TMED9: variants seen among roughly 807,000 people sequenced by gnomAD.
TMED9 encodes the protein transmembrane p24 trafficking protein 9, also known as transmembrane emp24 domain-containing protein 9.
TMED9 carries 22 observed loss-of-function variants against 30.6 expected under a neutral mutation model. That is an observed-to-expected ratio of 0.72 (90% CI 0.51 to 1.03). The LOEUF (loss-of-function observed/expected upper bound fraction) is 1.03, where lower values mean the gene tolerates loss of function less well. Ranked by LOEUF, TMED9 falls within the 50% of genes least tolerant of loss-of-function variation. The pLI, the probability that TMED9 is intolerant of heterozygous loss-of-function variation, is 0.00. For synonymous variants in TMED9, 146 were observed against 122.8 expected, an observed-to-expected ratio of 1.19 and a Z score of -1.25; for missense variants, 251 against 302.1, an observed-to-expected ratio of 0.83 and a Z score of 1.25.
rs1767644307 is a variant in TMED9 at position 177,594,241 on chromosome 5, G to A, written c.514G>A (p.Val172Met). 1.9e-6 allele frequency: 3 copies of A among 1,614,214 alleles called. No individual in the cohort carries two copies. Among genetic ancestry groups the A allele is most frequent in the East Asian group, 2.2e-5 (1 of 44,884 alleles). Residue 172 changes from valine to methionine, a missense_variant, in exon 4 of 5, where the codon GTG becomes ATG. This residue lies in a region of TMED9 where 153 missense variants were observed against 239.6 expected (regional missense o/e 0.64). Coordinates refer to ENST00000332598, the MANE Select transcript of TMED9 (RefSeq NM_017510.6). ...GTTGCAGCTACGAGTGCGACAGCTG[G>A]TGGAACAAGTGGAGCAGATCCAGAA... Reference protein sequence around the residue: ...SELQLRVRQLVEQVEQIQKEQ... With the variant: ...SELQLRVRQLMEQVEQIQKEQ...
In TMED9 at chr5:177,592,361, C is replaced by T. The variant is rs768039183; in HGVS notation, c.147C>T (p.Cys49=). The T allele has an allele frequency of 3.7e-6, 6 of 1,604,608 alleles. No homozygotes were observed. The highest frequency in any genetic ancestry group is 3.4e-6 in the Non-Finnish European group (4 of 1,175,710). The stretch of plus-strand genomic sequence containing the variant: ...ACATCGGAGAGACGGAGAAGAAGTG[C>T]TTTATTGAGGAGATCCCGGACGAGA... ...YFHIGETEKK[C]FIEEIPDETM... The change falls in exon 1 of 5, where the codon TGC becomes TGT. Residue 49 remains cysteine, a synonymous_variant. Transcript: ENST00000332598.
intron 3 of TMED9, 124 bp from the exon 4 acceptor site, chr5:177,594,015 G>A (rs1011945486): frequency 1.2e-5 from 16 of 1,374,776 alleles, no homozygotes; most frequent in Non-Finnish European, 1.5e-5. Context: ...CTAAGACACT[G>A]AAGAGGGCCC....
Position 177,595,977 on chromosome 5 carries a change from C to T in TMED9, c.*561C>T, listed in dbSNP as rs1164411494. The T allele has an allele frequency of 6.6e-6, 1 of 152,632 alleles. No homozygotes were observed. The highest frequency in any genetic ancestry group is 1.5e-5 in the Non-Finnish European group (1 of 68,124). 9.5% of individuals were successfully genotyped at this position (152,632 alleles called of 1,614,324 possible). A position where few individuals can be genotyped will look rare whatever the true frequency, so the allele number is the denominator to read the frequency against. On this transcript the variant is annotated 3_prime_UTR_variant, in exon 5 of 5. Transcript: ENST00000332598. ...CTTCACATGGTTGTCCATTCTGGGG[C>T]TTAAAGAACTGGGACCAGACCAAGT... is the stretch of plus-strand genomic sequence containing the variant.
Position 177,592,307 on chromosome 5 carries a change from G to C in TMED9, c.93G>C (p.Leu31=), listed in dbSNP as rs1358296048. ...GGACCCTCCTGCTGGTGCTGTGGCTGGCGACGCGCGGAAGCGCGCTCTACT... is the reference window on the plus strand; with the variant it reads ...GGACCCTCCTGCTGGTGCTGTGGCTCGCGACGCGCGGAAGCGCGCTCTACT... ...VMRTLLLVLW[L]ATRGSALYFH... Residue 31 remains leucine (L), a synonymous_variant, in exon 1 of 5, where the codon CTG becomes CTC. Transcript: ENST00000332598. 3 of 1,607,968 alleles carry C rather than the reference G, an allele frequency of 1.9e-6. No individual in the cohort carries two copies. Among genetic ancestry groups the C allele is most frequent in the Non-Finnish European group, 2.5e-6 (3 of 1,177,438 alleles).
chr5:177,593,348 C>A (rs1767627202), intron 2 of TMED9: 4 of 262,134 alleles, frequency 1.5e-5, no homozygotes, highest in Non-Finnish European at 2.9e-5. Context: ...AAAAAAGAAC[C>A]CCCCAAAAAA....
chr5:177,592,268 G>C lies in TMED9; in HGVS notation c.54G>C (p.Leu18=), dbSNP rs1157237152. The stretch of plus-strand genomic sequence containing the variant: ...TCCGGCCCCGGCCCGGAACCGGGCT[G>C]GGTAGAGTGATGCGGACCCTCCTGC... The part of the protein sequence containing the change: ...LLVRPRPGTG[L]GRVMRTLLLV... Residue 18 remains leucine, a synonymous_variant, in exon 1 of 5, where the codon CTG becomes CTC. Transcript: ENST00000332598. The C allele has an allele frequency of 6.2e-7, 1 of 1,611,892 alleles. No homozygotes were observed. The highest frequency in any genetic ancestry group is 1.3e-5 in the African/African-American group (1 of 75,034).
rs1454367872 is a variant in TMED9 at position 177,592,321 on chromosome 5, G to A, written c.107G>A (p.Ser36Asn). 2 of 1,606,208 alleles carry A rather than the reference G, an allele frequency of 1.2e-6. No individual in the cohort carries two copies. The highest frequency in any genetic ancestry group is 1.7e-6 in the Non-Finnish European group (2 of 1,176,598). The change falls in exon 1 of 5, where the codon AGC becomes AAC. Residue 36 changes from serine (S) to asparagine (N), a missense_variant. Around this residue, in one of 2 missense-constraint regions of TMED9, gnomAD observed 98 missense variants for 62.5 expected, o/e 1.57. Coordinates refer to ENST00000332598, the MANE Select transcript of TMED9 (RefSeq NM_017510.6). ...GTGCTGTGGCTGGCGACGCGCGGAAGCGCGCTCTACTTTCACATCGGAGAG... is the reference window on the plus strand; with the variant it reads ...GTGCTGTGGCTGGCGACGCGCGGAAACGCGCTCTACTTTCACATCGGAGAG... Reference protein sequence around the residue: ...LLVLWLATRGSALYFHIGETE... With the variant: ...LLVLWLATRGNALYFHIGETE...
chr5:177,595,222 C>A, intron 4 of TMED9, 45 bp from the exon 5 acceptor site: 1 of 1,485,588 alleles, frequency 6.7e-7, no homozygotes. Flanking sequence ...ATCAGCAGTT[C>A]TAGCAGCCCC....
Position 177,596,749 on chromosome 5 carries a change from G to A in TMED9, c.*1333G>A, listed in dbSNP as rs1370185489. On this transcript the variant is annotated 3_prime_UTR_variant, in exon 5 of 5. Transcript: ENST00000332598. Reference sequence around the variant, plus strand: ...TCAAGAGGGGCTGCAGGCACCCACAGGCACAAGCTGAAGGCAGCAGCTTGG... The same window carrying A: ...TCAAGAGGGGCTGCAGGCACCCACAAGCACAAGCTGAAGGCAGCAGCTTGG... 6.6e-6 allele frequency among the ~76,000 whole-genome samples: 1 copy of A among 152,218 alleles called. No individual in the cohort carries two copies. The highest frequency in any genetic ancestry group is 1.5e-5 in the Non-Finnish European group (1 of 68,042).
chr5:177,594,157 C>G lies in TMED9; in HGVS notation c.430C>G (p.Gln144Glu), dbSNP rs765117915. Residue 144 changes from glutamine (Q) to glutamate (E), a missense_variant, in exon 4 of 5, where the codon CAG (glutamine) becomes GAG (glutamate). Around this residue, in one of 2 missense-constraint regions of TMED9, gnomAD observed 153 missense variants for 239.6 expected, o/e 0.64. Transcript: ENST00000332598. ...TCCTCAGAGAGTTCACCTGGACATCCAGGTAGGTGAACATGCCAATGACTA... is the reference window on the plus strand; with the variant it reads ...TCCTCAGAGAGTTCACCTGGACATCGAGGTAGGTGAACATGCCAATGACTA... The part of the protein sequence containing the change: ...GGMLRVHLDI[Q>E]VGEHANDYAE... 1.1e-5 allele frequency: 17 copies of G among 1,614,082 alleles called. No homozygotes were observed. The highest frequency in any genetic ancestry group is 1.4e-5 in the Non-Finnish European group (17 of 1,180,038).
chr5:177,592,289 C>A lies in TMED9; in HGVS notation c.75C>A (p.Leu25=), dbSNP rs564805024. 1.2e-6 allele frequency: 2 copies of A among 1,611,664 alleles called. No individual in the cohort carries two copies. The highest frequency in any genetic ancestry group is 1.7e-5 in the Admixed American group (1 of 59,748). Residue 25 remains leucine (L), a synonymous_variant, in exon 1 of 5, where the codon CTC becomes CTA. Coordinates refer to ENST00000332598, the MANE Select transcript of TMED9 (RefSeq NM_017510.6). Reference sequence around the variant, plus strand: ...GGCTGGGTAGAGTGATGCGGACCCTCCTGCTGGTGCTGTGGCTGGCGACGC... The same window carrying A: ...GGCTGGGTAGAGTGATGCGGACCCTACTGCTGGTGCTGTGGCTGGCGACGC... ...GTGLGRVMRT[L]LLVLWLATRG...
At chr5:177,594,591 G>A (rs1272333352) in intron 4 of TMED9, among the ~76,000 whole-genome samples, 1 of 152,092 alleles carries the variant, frequency 6.6e-6, no homozygotes, top group Admixed American at 6.6e-5. Context: ...CCGGTGACCA[G>A]GAACCAGAGA....
At position 177,592,304 on chromosome 5, in the gene TMED9, G is replaced by T. The variant is rs1767599206; in HGVS notation, c.90G>T (p.Trp30Cys). The change falls in exon 1 of 5, where the codon TGG becomes TGT. Residue 30 changes from tryptophan (W) to cysteine (C), a missense_variant. This residue lies in a region of TMED9 where 98 missense variants were observed against 62.5 expected (regional missense o/e 1.57). Transcript: ENST00000332598. ...TGCGGACCCTCCTGCTGGTGCTGTGGCTGGCGACGCGCGGAAGCGCGCTCT... is the reference window on the plus strand; with the variant it reads ...TGCGGACCCTCCTGCTGGTGCTGTGTCTGGCGACGCGCGGAAGCGCGCTCT... ...RVMRTLLLVL[W>C]LATRGSALYF... is the part of the protein sequence containing the mutation. 3 of 1,608,658 alleles carry T rather than the reference G, an allele frequency of 1.9e-6. No individual in the cohort carries two copies. In the East Asian group the frequency reaches 6.7e-5, roughly 36 times the overall value.
At position 177,592,629 on chromosome 5, in the gene TMED9, C is replaced by A; in HGVS notation, c.239C>A (p.Thr80Asn). 1 of 1,613,728 alleles carries A rather than the reference C, an allele frequency of 6.2e-7. No individual in the cohort carries two copies. Among genetic ancestry groups the A allele is most frequent in the Non-Finnish European group, 8.5e-7 (1 of 1,179,902 alleles). ...DKQREEYQPATPGLGMFVEVK... is the reference protein window; with the variant it reads ...DKQREEYQPANPGLGMFVEVK... Reference sequence around the variant, plus strand: ...CAGCGGGAGGAGTACCAGCCGGCCACCCCGGGGCTTGGCATGTTTGTGGAG... The same window carrying A: ...CAGCGGGAGGAGTACCAGCCGGCCAACCCGGGGCTTGGCATGTTTGTGGAG... The change falls in exon 2 of 5, where the codon ACC becomes AAC. Residue 80 changes from threonine (T) to asparagine (N), a missense_variant. By Grantham distance (65) the Thr-to-Asn change is moderately conservative. Coordinates refer to ENST00000332598, the MANE Select transcript of TMED9 (RefSeq NM_017510.6).
In TMED9 at chr5:177,594,120, C is replaced by T. The variant is rs1767641914; in HGVS notation, c.412-19C>T. 1.2e-6 allele frequency: 2 copies of T among 1,613,784 alleles called. No homozygotes were observed. Among genetic ancestry groups the T allele is most frequent in the Non-Finnish European group, 1.7e-6 (2 of 1,179,846 alleles). On this transcript the variant is annotated intron_variant, in intron 3 of 4. Coordinates refer to ENST00000332598, the MANE Select transcript of TMED9 (RefSeq NM_017510.6). ...AGCAGGGCTACCAGATTTCCCTTAT[C>T]TCCTTTGTCTGTCCTCAGAGAGTTC...
chr5:177,592,382 C>G lies in TMED9; in HGVS notation c.168C>G (p.Asp56Glu), dbSNP rs756705397. 4 of 1,601,222 alleles carry G rather than the reference C, an allele frequency of 2.5e-6. No homozygotes were observed. The highest frequency in any genetic ancestry group is 1.1e-5 in the South Asian group (1 of 89,078). ...AGTGCTTTATTGAGGAGATCCCGGA[C>G]GAGACCATGGTCATAGGTGCGGGGG... ...EKKCFIEEIP[D>E]ETMVIGNYRT... The change falls in exon 1 of 5, where the codon GAC (aspartate) becomes GAG (glutamate). Residue 56 changes from aspartate to glutamate, a missense_variant. Coordinates refer to ENST00000332598, the MANE Select transcript of TMED9 (RefSeq NM_017510.6).
In TMED9 at chr5:177,595,305, C is replaced by G; in HGVS notation, c.597C>G (p.Thr199=). 1 of 1,608,008 alleles carries G rather than the reference C, an allele frequency of 6.2e-7. No individual in the cohort carries two copies. The highest frequency in any genetic ancestry group is 8.5e-7 in the Non-Finnish European group (1 of 1,175,612). ...EERFRQTSES[T]NQRVLWWSIL... ...GCTTCCGGCAGACCAGTGAGAGCAC[C>G]AACCAGCGGGTGCTGTGGTGGTCCA... Residue 199 remains threonine, a synonymous_variant, in exon 5 of 5, where the codon ACC becomes ACG. Coordinates refer to ENST00000332598, the MANE Select transcript of TMED9 (RefSeq NM_017510.6).
Position 177,592,236 on chromosome 5 carries a change from C to T in TMED9, c.22C>T (p.Leu8=), listed in dbSNP as rs766285629. ...CAAGATGGCTGTGGAGCTGGGCGTG[C>T]TGCTCGTCCGGCCCCGGCCCGGAAC... MAVELGV[L]LVRPRPGTGL... Residue 8 remains leucine (L), a synonymous_variant, in exon 1 of 5, where the codon CTG becomes TTG. Transcript: ENST00000332598. 1.9e-6 allele frequency: 3 copies of T among 1,608,516 alleles called. No individual in the cohort carries two copies. Among genetic ancestry groups the T allele is most frequent in the Non-Finnish European group, 2.5e-6 (3 of 1,178,142 alleles).
Position 177,597,001 on chromosome 5 carries a change from G to T in TMED9, c.*1585G>T, listed in dbSNP as rs1767701335. Among the ~76,000 whole-genome samples, 1 of 152,166 alleles carries T rather than the reference G, an allele frequency of 6.6e-6. No homozygotes were observed. The highest frequency in any genetic ancestry group is 6.5e-5 in the Admixed American group (1 of 15,268). ...ACCTTCTAATAAGAAATGTGAGGGA[G>T]GTTACAGCAGTGTGTGAGAAAGACC... On this transcript the variant is annotated 3_prime_UTR_variant, in exon 5 of 5. Coordinates refer to ENST00000332598, the MANE Select transcript of TMED9 (RefSeq NM_017510.6).
Sources: allele counts gnomAD v4.1 joint callset (sites outside exome capture counted in the v4.1 genomes callset), GRCh38; gene constraint gnomAD v4.1.1; regional missense constraint gnomAD v4.1.1; transcripts MANE v1.5; gene names NCBI Gene and HGNC (gene_info 2026-07-23, HGNC 2026-07-21).